Variants in ATPSCKMT observed in about 807,000 individuals in gnomAD.
ATPSCKMT encodes the protein ATP synthase subunit C lysine N-methyltransferase.
ATPSCKMT carries 24 observed loss-of-function variants against 24.3 expected under a neutral mutation model. That is an observed-to-expected ratio of 0.99 (90% CI 0.71 to 1.39). ATPSCKMT has a LOEUF of 1.39. ATPSCKMT is among the 40% of genes most tolerant of loss of function. The probability of loss-of-function intolerance (pLI) is 0.00; values close to 1 mark genes in which losing one functional copy is unlikely to be tolerated. For missense variants in ATPSCKMT, 311 were observed against 298.4 expected (o/e 1.04, Z -0.31); for synonymous variants, 95 against 110.5 (o/e 0.86, Z 0.88).
At chr5:10,232,080 G>A (rs992085479) in intron 4 of ATPSCKMT, among the ~76,000 whole-genome samples, 1 of 152,130 alleles carries the variant, frequency 6.6e-6, no homozygotes, top group Non-Finnish European at 1.5e-5. Flanking sequence ...GCACACGCCT[G>A]TATTCCCAGC....
chr5:10,244,067 C>T (rs2126462487), intron 1 of ATPSCKMT, among the ~76,000 whole-genome samples: 1 of 152,194 alleles, frequency 6.6e-6, no homozygotes, highest in South Asian at 2.1e-4. Flanking sequence ...AGCCTAATTT[C>T]AATGTTGTTG....
intron 1 of ATPSCKMT, among the ~76,000 whole-genome samples, chr5:10,246,066 T>C (rs1408515846): frequency 6.6e-6 from 1 of 152,198 alleles, no homozygotes; most frequent in Non-Finnish European, 1.5e-5. Flanking sequence ...ATCCTTTAGC[T>C]ATCACCCCCG....
chr5:10,236,687 T>C, intron 2 of ATPSCKMT, 72 bp from the exon 3 acceptor site: 1 of 1,573,392 alleles, frequency 6.4e-7, no homozygotes, highest in Non-Finnish European at 8.6e-7. Context: ...AATATGAATA[T>C]TTCCTATCAA....
At chr5:10,234,772 T>G (rs750354715) in intron 4 of ATPSCKMT, among the ~76,000 whole-genome samples, 1 of 152,234 alleles carries the variant, frequency 6.6e-6, no homozygotes, top group Non-Finnish European at 1.5e-5. Flanking sequence ...ATCAGTAAAC[T>G]GAGGTAAACT....
At chr5:10,244,003 AG>A (rs1744766014) in intron 1 of ATPSCKMT, among the ~76,000 whole-genome samples, 1 of 152,202 alleles carries the variant, frequency 6.6e-6, no homozygotes, top group African/African-American at 2.4e-5. Flanking sequence ...TTAAAATGGT[AG>A]AAGTGTGACT....
rs1039563854 is a variant in ATPSCKMT at position 10,247,360 on chromosome 5, C to T, written c.16+2498G>A. Among the ~76,000 whole-genome samples the T allele has an allele frequency of 3.9e-5, 6 of 152,084 alleles. No individual in the cohort carries two copies. In the South Asian group the frequency reaches 8.3e-4, roughly 21 times the overall value. ...AGGAAAAACAATTGATTCCTTTTTG[C>T]GATGGGGTCTCACTCTGTCGTCCAG... On this transcript the variant is annotated intron_variant, in intron 1 of 4. Coordinates refer to ENST00000511437, the MANE Select transcript of ATPSCKMT (RefSeq NM_199133.4).
intron 4 of ATPSCKMT, among the ~76,000 whole-genome samples, chr5:10,233,544 T>C (rs552805513): frequency 1.7e-4 from 26 of 151,670 alleles, no homozygotes; most frequent in African/African-American, 6.1e-4. Flanking sequence ...ACAAAAGTAT[T>C]CATAAATAAT....
chr5:10,231,077 G>T (rs980592363), intron 4 of ATPSCKMT, among the ~76,000 whole-genome samples: 2 of 151,780 alleles, frequency 1.3e-5, no homozygotes, highest in East Asian at 3.9e-4. Context: ...AGCTCCGCCT[G>T]CACCTTCCCC....
rs2126416006 is a variant in ATPSCKMT at position 10,228,289 on chromosome 5, ATAGT to A, written c.496-646_496-643del. Among the ~76,000 whole-genome samples the A allele has an allele frequency of 2.0e-5, 3 of 152,366 alleles. No homozygotes were observed. The East Asian group carries it at 5.8e-4, about 29-fold the overall frequency. ...AGATCTACAGTCAATGAAATGTGGTATAGTTAGACTATGAAAAAATATGCACAAT... is the reference window on the plus strand; with the variant it reads ...AGATCTACAGTCAATGAAATGTGGTATAGACTATGAAAAAATATGCACAAT... On this transcript the variant is annotated intron_variant, in intron 4 of 4. Coordinates refer to ENST00000511437, the MANE Select transcript of ATPSCKMT (RefSeq NM_199133.4).
chr5:10,238,375 G>A lies in ATPSCKMT; in HGVS notation c.306+692C>T, dbSNP rs1744471643. On this transcript the variant is annotated intron_variant, in intron 2 of 4. Coordinates refer to ENST00000511437, the MANE Select transcript of ATPSCKMT (RefSeq NM_199133.4). Reference sequence around the variant, plus strand: ...AATCACAAAATCAGTCTCTATGTCTGTAGGAGCCGGTGAAAGGTGATAGAG... The same window carrying A: ...AATCACAAAATCAGTCTCTATGTCTATAGGAGCCGGTGAAAGGTGATAGAG... Among the ~76,000 whole-genome samples, 3 of 152,126 alleles carry A rather than the reference G, an allele frequency of 2.0e-5. No individual in the cohort carries two copies. In the South Asian group the frequency reaches 6.2e-4, roughly 32 times the overall value.
chr5:10,233,183 C>T (rs764690833), intron 4 of ATPSCKMT, among the ~76,000 whole-genome samples: 5 of 152,158 alleles, frequency 3.3e-5, no homozygotes, highest in South Asian at 4.1e-4. Context: ...CAGCAGGGAA[C>T]GTCACATGGC....
chr5:10,244,346 G>A (rs893248899), intron 1 of ATPSCKMT: 1 of 152,132 alleles, frequency 6.6e-6, no homozygotes, highest in African/African-American at 2.4e-5. Flanking sequence ...TTGAAAAAAT[G>A]GTGCGAACAG....
At chr5:10,234,335 A>G (rs1294956166) in intron 4 of ATPSCKMT, among the ~76,000 whole-genome samples, 1 of 152,236 alleles carries the variant, frequency 6.6e-6, no homozygotes, top group Non-Finnish European at 1.5e-5. Flanking sequence ...CTCAAAAAAA[A>G]AAGAATATTT....
intron 1 of ATPSCKMT, chr5:10,249,582 A>C: frequency 4.6e-6 from 2 of 431,666 alleles, no homozygotes; most frequent in Non-Finnish European, 8.1e-6. Flanking sequence ...CACTATCCCT[A>C]TTCCTTAAGA....
At position 10,235,225 on chromosome 5, in the gene ATPSCKMT, C is replaced by T. The variant is rs200314121; in HGVS notation, c.481G>A (p.Gly161Ser). Residue 161 changes from glycine (G) to serine (S), a missense_variant, in exon 4 of 5, where the codon GGT becomes AGT. Gly to Ser is a moderately conservative substitution (Grantham distance 56). Transcript: ENST00000511437. ...TGCATACTCACCATCTGAGGCACACCGAAAATAACAACGTTCGAGTACTGC... is the reference window on the plus strand; with the variant it reads ...TGCATACTCACCATCTGAGGCACACTGAAAATAACAACGTTCGAGTACTGC... Reference protein sequence around the residue: ...FSQYSNVVIFGVPQMMLQLEK... With the variant: ...FSQYSNVVIFSVPQMMLQLEK... 3.7e-6 allele frequency: 6 copies of T among 1,613,462 alleles called. No homozygotes were observed. Among genetic ancestry groups the T allele is most frequent in the South Asian group, 1.1e-5 (1 of 91,044 alleles).
chr5:10,244,579 G>A (rs1405740016), intron 1 of ATPSCKMT: 1 of 152,190 alleles, frequency 6.6e-6, no homozygotes, highest in African/African-American at 2.4e-5. Flanking sequence ...ATAAAACAAA[G>A]TATGCCTCTG....
chr5:10,246,627 T>C (rs1281989756), intron 1 of ATPSCKMT, among the ~76,000 whole-genome samples: 1 of 152,264 alleles, frequency 6.6e-6, no homozygotes, highest in Admixed American at 6.5e-5. Context: ...TTCCATTGTA[T>C]GGATATGCCA....
At chr5:10,248,408 G>A (rs1358735199) in intron 1 of ATPSCKMT, 1 of 152,326 alleles carries the variant, frequency 6.6e-6, no homozygotes, top group Admixed American at 6.5e-5. Context: ...TTTTTAATGA[G>A]GAAACACTGA....
At chr5:10,227,870 C>T (rs1743954900) in intron 4 of ATPSCKMT, among the ~76,000 whole-genome samples, 1 of 152,162 alleles carries the variant, frequency 6.6e-6, no homozygotes, top group South Asian at 2.1e-4. Context: ...ATAAAATATG[C>T]CATTTTTAGC....
Sources: gnomAD v4.1 joint callset for allele counts (sites outside exome capture counted in the v4.1 genomes callset) on GRCh38, gnomAD v4.1.1 for gene constraint, MANE v1.5 for transcripts, NCBI Gene and HGNC (gene_info 2026-07-23, HGNC 2026-07-21) for gene names.